Variants in PACSIN2 observed in about 807,000 individuals in gnomAD.
PACSIN2 encodes protein kinase C and casein kinase substrate in neurons protein 2.
In PACSIN2, 25 loss-of-function variants were observed where a neutral mutation model predicts 63.8. The ratio of observed to expected loss-of-function variants is 0.39; its 90% CI spans 0.29 to 0.55. The LOEUF (loss-of-function observed/expected upper bound fraction) is 0.55, where lower values mean the gene tolerates loss of function less well. PACSIN2 is among the 20% of genes least tolerant of loss of function. PACSIN2 has a pLI of 0.62. For synonymous variants in PACSIN2, 255 were observed against 256.2 expected, an observed-to-expected ratio of 1.00 and a Z score of 0.05; for missense variants, 518 against 646.9, an observed-to-expected ratio of 0.80 and a Z score of 2.16.
At chr22:42,920,516 C>G (rs563833224) in intron 1 of PACSIN2, among the ~76,000 whole-genome samples, 14 of 152,168 alleles carry the variant, frequency 9.2e-5, no homozygotes, top group African/African-American at 3.4e-4. Context: ...TGGAAAGAAA[C>G]AAATTCAAGG....
intron 2 of PACSIN2, among the ~76,000 whole-genome samples, chr22:42,907,901 C>T (rs191716023): frequency 1.3e-4 from 20 of 152,192 alleles, no homozygotes; most frequent in African/African-American, 4.3e-4. Context: ...GGTGTTCTCA[C>T]GTGATGAGCT....
chr22:42,975,272 C>T (rs189269152), intron 1 of PACSIN2, among the ~76,000 whole-genome samples: 1 of 152,138 alleles, frequency 6.6e-6, no homozygotes, highest in Admixed American at 6.5e-5. Context: ...GAGAAAGTCC[C>T]CATTCTTGTG....
At chr22:42,912,202 G>A (rs1350630564) in intron 1 of PACSIN2, 45 bp from the exon 2 acceptor site, 3 of 643,492 alleles carry the variant, frequency 4.7e-6, no homozygotes, top group Non-Finnish European at 7.7e-6. Flanking sequence ...AAATTCCCAA[G>A]GTAAAGAAAC....
chr22:42,980,488 C>T (rs1192920397), intron 1 of PACSIN2, among the ~76,000 whole-genome samples: 3 of 134,490 alleles, frequency 2.2e-5, no homozygotes, highest in Non-Finnish European at 4.9e-5. Context: ...CCCTCTCCCC[C>T]TCCCCCTCCC....
At position 42,885,770 on chromosome 22, in the gene PACSIN2, C is replaced by G. The variant is rs184646424; in HGVS notation, c.610-1209G>C. On this transcript the variant is annotated intron_variant, in intron 5 of 10. Coordinates refer to ENST00000263246, the MANE Select transcript of PACSIN2 (RefSeq NM_001184970.3). ...TGCCCCTTTCTCCTCTCCTGGTATC[C>G]GGGTCCTTGCTCTGCTTCTCAGCCT... 4.7e-3 allele frequency among the ~76,000 whole-genome samples: 715 copies of G among 152,276 alleles called. 4 individuals carry two copies. The highest frequency in any genetic ancestry group is 0.017 in the African/African-American group (698 of 41,556).
intron 1 of PACSIN2, among the ~76,000 whole-genome samples, chr22:42,953,498 G>T (rs1050235932): frequency 2.0e-5 from 3 of 152,130 alleles, no homozygotes; most frequent in Non-Finnish European, 2.9e-5. Context: ...AAGAAGAAAC[G>T]TAACAGCATT....
chr22:42,878,983 A>G, intron 8 of PACSIN2, 65 bp downstream of exon 8: 3 of 1,565,256 alleles, frequency 1.9e-6, no homozygotes, highest in Non-Finnish European at 2.6e-6. Flanking sequence ...GCCCTGGACC[A>G]TGCAGATTGC....
At chr22:42,982,888 A>AAAAACAAAAAAAAAAAAAC (rs759532303) in intron 1 of PACSIN2, among the ~76,000 whole-genome samples, 2 of 105,158 alleles carry the variant, frequency 1.9e-5, no homozygotes, top group Non-Finnish European at 4.2e-5. Context: ...AAAAAAAAAA[A>AAAAACAAAAAAAAAAAAAC]AACAACAACA....
chr22:42,977,893 G>A (rs1257671834), intron 1 of PACSIN2, among the ~76,000 whole-genome samples: 2 of 152,170 alleles, frequency 1.3e-5, no homozygotes, highest in African/African-American at 2.4e-5. Flanking sequence ...GTGAAACTGA[G>A]TCAATTAAAC....
chr22:43,005,579 C>T (rs1167258763), intron 1 of PACSIN2, among the ~76,000 whole-genome samples: 1 of 152,166 alleles, frequency 6.6e-6, no homozygotes, highest in Non-Finnish European at 1.5e-5. Context: ...GCGACTACAC[C>T]CGTGACCCCG....
intron 1 of PACSIN2, chr22:42,993,674 G>A (rs540692636): frequency 6.6e-6 from 1 of 152,178 alleles, no homozygotes; most frequent in Non-Finnish European, 1.5e-5. Flanking sequence ...ATGATAACAC[G>A]ATTGCAGACT....
intron 2 of PACSIN2, among the ~76,000 whole-genome samples, chr22:42,895,250 T>C (rs113016072): frequency 5.2e-4 from 79 of 152,334 alleles, no homozygotes; most frequent in African/African-American, 1.8e-3. Context: ...TGACATTATG[T>C]GGTTGCTTCC....
intron 1 of PACSIN2, among the ~76,000 whole-genome samples, chr22:43,000,742 G>A (rs1056522042): frequency 2.0e-5 from 3 of 152,132 alleles, no homozygotes; most frequent in Non-Finnish European, 2.9e-5. Context: ...AAATCCAAAA[G>A]GAAATACAAG....
chr22:42,919,363 A>G (rs1932014371), intron 1 of PACSIN2, among the ~76,000 whole-genome samples: 1 of 152,188 alleles, frequency 6.6e-6, no homozygotes, highest in African/African-American at 2.4e-5. Context: ...GAAAGTGCAA[A>G]GTGACAGACA....
chr22:43,012,382 T>C lies in PACSIN2; in HGVS notation c.-78+2639A>G, dbSNP rs546370601. ...TCCAGAAATGCCTGGCCATCAGAGA[T>C]GTGGATGGGTATCCAGGATTAGGGA... is the stretch of plus-strand genomic sequence containing the variant. On this transcript the variant is annotated intron_variant, in intron 1 of 10. Transcript: ENST00000263246. Among the ~76,000 whole-genome samples the C allele has an allele frequency of 3.3e-5, 5 of 151,094 alleles. No homozygotes were observed. In the South Asian group the frequency reaches 1.0e-3, roughly 32 times the overall value.
intron 1 of PACSIN2, among the ~76,000 whole-genome samples, chr22:42,918,750 G>T (rs753073198): frequency 2.4e-4 from 37 of 152,212 alleles, no homozygotes; most frequent in Non-Finnish European, 5.3e-4. Flanking sequence ...TGCCAGGGAG[G>T]CTGGAGCCTC....
chr22:42,929,736 C>T (rs1453069971), intron 1 of PACSIN2, among the ~76,000 whole-genome samples: 1 of 152,224 alleles, frequency 6.6e-6, no homozygotes, highest in East Asian at 1.9e-4. Context: ...CCACCCGGGG[C>T]TCCAAACAGA....
intron 1 of PACSIN2, among the ~76,000 whole-genome samples, chr22:42,927,797 G>C (rs555018225): frequency 6.6e-6 from 1 of 152,140 alleles, no homozygotes; most frequent in African/African-American, 2.4e-5. Context: ...ATGTTGGTCA[G>C]GCTGGTCTCG....
At chr22:42,898,233 C>T (rs760772) in intron 2 of PACSIN2, among the ~76,000 whole-genome samples, 25,385 of 151,760 alleles carry the variant, frequency 0.17, 3,374 homozygotes, top group East Asian at 0.55. Flanking sequence ...CCCCTGCCTT[C>T]TCCAGGCTGT....
Sources: gnomAD v4.1 joint callset for allele counts (sites outside exome capture counted in the v4.1 genomes callset) on GRCh38, gnomAD v4.1.1 for gene constraint, MANE v1.5 for transcripts, NCBI Gene and HGNC (gene_info 2026-07-23, HGNC 2026-07-21) for gene names.